The following CPQ variants were observed in gnomAD, a reference collection of about 807,000 sequenced individuals.
The protein encoded by CPQ is Ser-Met dipeptidase.
A neutral mutation model predicts 45.7 loss-of-function variants in CPQ; 37 were observed. That is an observed-to-expected ratio of 0.81 (90% CI 0.62 to 1.07). The LOEUF (loss-of-function observed/expected upper bound fraction) is 1.07. Ranked by LOEUF, CPQ falls within the 50% of genes least tolerant of loss-of-function variation. CPQ has a pLI of 0.00. For synonymous variants in CPQ, 186 were observed against 205.8 expected (o/e 0.90, Z 0.82); for missense variants, 537 against 572.9 (o/e 0.94, Z 0.64).
At chr8:96,861,507 G>A (rs73277800) in intron 3 of CPQ, among the ~76,000 whole-genome samples, 2,771 of 152,164 alleles carry the variant, frequency 0.018, 107 homozygotes, top group African/African-American at 0.062. Flanking sequence ...AGACGTTTAA[G>A]TACATGACGA....
At chr8:96,677,364 A>T (rs1265345124) in intron 1 of CPQ, among the ~76,000 whole-genome samples, 2 of 152,170 alleles carry the variant, frequency 1.3e-5, no homozygotes, top group East Asian at 3.8e-4. Context: ...AATTATGGTC[A>T]TTCTTGCAGG....
Position 96,966,041 on chromosome 8 carries a change from A to T in CPQ, c.956A>T (p.Asp319Val). The T allele has an allele frequency of 6.2e-7, 1 of 1,607,140 alleles. No homozygotes were observed. Among genetic ancestry groups the T allele is most frequent in the Non-Finnish European group, 8.5e-7 (1 of 1,175,400 alleles). ...TGGGAAGCACTCTCACTTATTAAAG[A>T]TCTTGGTAAATATTTAGAAAATTGT... Reference protein sequence around the residue: ...ISWEALSLIKDLGLRPKRTLR... With the variant: ...ISWEALSLIKVLGLRPKRTLR... Residue 319 changes from aspartate to valine, a missense_variant, in exon 5 of 8, where the codon GAT (aspartate) becomes GTT (valine). Asp to Val is a radical substitution (Grantham distance 152). Transcript: ENST00000220763.
rs527900073 is a variant in CPQ at position 96,811,428 on chromosome 8, C to T, written c.434-23545C>T. On this transcript the variant is annotated intron_variant, in intron 2 of 7. Transcript: ENST00000220763. The stretch of plus-strand genomic sequence containing the variant: ...TGGAACAAAATGGAAGAAAACCTAA[C>T]TGGGTGTATAAATTTTGATGTACAT... Among the ~76,000 whole-genome samples the T allele has an allele frequency of 1.8e-3, 279 of 152,108 alleles. 2 individuals carry two copies. Among genetic ancestry groups the T allele is most frequent in the African/African-American group, 6.5e-3 (271 of 41,520 alleles).
intron 7 of CPQ, among the ~76,000 whole-genome samples, chr8:97,083,562 G>T (rs1810993250): frequency 6.6e-6 from 1 of 152,154 alleles, no homozygotes; most frequent in Admixed American, 6.5e-5. Flanking sequence ...GAAGAAAAAT[G>T]TCAAATATTA....
chr8:96,847,900 T>G (rs1811720053), intron 3 of CPQ, among the ~76,000 whole-genome samples: 1 of 149,694 alleles, frequency 6.7e-6, no homozygotes, highest in Non-Finnish European at 1.5e-5. Flanking sequence ...GAGCTTTTTT[T>G]TTTTTTTTTT....
At chr8:97,074,548 G>A (rs533199399) in intron 7 of CPQ, among the ~76,000 whole-genome samples, 1 of 152,330 alleles carries the variant, frequency 6.6e-6, no homozygotes, top group East Asian at 1.9e-4. Context: ...AAGGCAGGCA[G>A]ATCACCTGAG....
At chr8:97,049,855 A>G (rs902594472) in intron 6 of CPQ, among the ~76,000 whole-genome samples, 2 of 152,228 alleles carry the variant, frequency 1.3e-5, no homozygotes, top group Admixed American at 1.3e-4. Flanking sequence ...TTAAGGTGCC[A>G]GGCCACTTTG....
At chr8:96,826,099 A>C (rs765487175) in intron 2 of CPQ, among the ~76,000 whole-genome samples, 1 of 152,080 alleles carries the variant, frequency 6.6e-6, no homozygotes, top group Non-Finnish European at 1.5e-5. Context: ...AAAGCTGCCA[A>C]TACTGTATTT....
In CPQ at chr8:96,993,604, A is replaced by C. The variant is rs139139437; in HGVS notation, c.961+27558A>C. Among the ~76,000 whole-genome samples, 418 of 152,278 alleles carry C rather than the reference A, an allele frequency of 2.7e-3. 5 individuals carry two copies. The highest frequency in any genetic ancestry group is 9.7e-3 in the African/African-American group (402 of 41,572). ...TTTACTATTGAATCTGCTAATTCAA[A>C]TAATATCTATCAGTAGGTAGATGAG... On this transcript the variant is annotated intron_variant, in intron 5 of 7. Transcript: ENST00000220763.
intron 1 of CPQ, among the ~76,000 whole-genome samples, chr8:96,669,982 C>T (rs924303183): frequency 6.6e-6 from 1 of 152,176 alleles, no homozygotes; most frequent in Non-Finnish European, 1.5e-5. Flanking sequence ...TGTTTAAAGA[C>T]ACCTTACTGA....
chr8:96,961,192 C>G (rs1210561262), intron 4 of CPQ, among the ~76,000 whole-genome samples: 1 of 152,178 alleles, frequency 6.6e-6, no homozygotes, highest in Non-Finnish European at 1.5e-5. Context: ...TATTGCTCAG[C>G]CTCCTTGCCA....
chr8:96,862,420 GTAGT>G (rs1172287296), intron 3 of CPQ, among the ~76,000 whole-genome samples: 1 of 151,736 alleles, frequency 6.6e-6, no homozygotes, highest in Non-Finnish European at 1.5e-5. Context: ...ATTATGGCAA[GTAGT>G]TAGGCTATCT....
intron 1 of CPQ, among the ~76,000 whole-genome samples, chr8:96,702,418 G>A (rs1365768952): frequency 2.0e-5 from 3 of 152,124 alleles, no homozygotes; most frequent in Admixed American, 2.0e-4. Context: ...GAGAGAGAAA[G>A]GTGAACGAAA....
At chr8:96,646,980 G>T (rs1156802850) in intron 1 of CPQ, among the ~76,000 whole-genome samples, 2 of 152,146 alleles carry the variant, frequency 1.3e-5, no homozygotes, top group African/African-American at 4.8e-5. Context: ...ACAGGCTCCT[G>T]GTCCTGGGTC....
At chr8:96,845,925 T>C (rs1445475376) in intron 3 of CPQ, among the ~76,000 whole-genome samples, 1 of 152,218 alleles carries the variant, frequency 6.6e-6, no homozygotes, top group African/African-American at 2.4e-5. Flanking sequence ...ATTCAAGCGA[T>C]TCTCCTGCTT....
chr8:97,068,083 C>T (rs892281235), intron 7 of CPQ, among the ~76,000 whole-genome samples: 1 of 152,086 alleles, frequency 6.6e-6, no homozygotes, highest in Non-Finnish European at 1.5e-5. Context: ...GAATTGGGAA[C>T]AAAAACTTGT....
chr8:96,730,806 G>C (rs1198323057), intron 1 of CPQ, among the ~76,000 whole-genome samples: 1 of 140,178 alleles, frequency 7.1e-6, no homozygotes, highest in Non-Finnish European at 1.5e-5. Context: ...GACTTTCCAA[G>C]TAATTCTAAT....
intron 1 of CPQ, among the ~76,000 whole-genome samples, chr8:96,679,530 C>T (rs578106765): frequency 6.6e-6 from 1 of 152,022 alleles, no homozygotes; most frequent in South Asian, 2.1e-4. Flanking sequence ...TAGTAGAATT[C>T]AGCAGTAAAG....
chr8:96,706,834 A>T (rs1809536239), intron 1 of CPQ, among the ~76,000 whole-genome samples: 1 of 152,148 alleles, frequency 6.6e-6, no homozygotes, highest in Non-Finnish European at 1.5e-5. Flanking sequence ...AAGTTTCAGT[A>T]ATGATCTTGC....
Sources: allele counts gnomAD v4.1 joint callset (sites outside exome capture counted in the v4.1 genomes callset), GRCh38; gene constraint gnomAD v4.1.1; transcripts MANE v1.5; gene names NCBI Gene and HGNC (gene_info 2026-07-23, HGNC 2026-07-21).